UGP2: variants seen among roughly 807,000 people sequenced by gnomAD.
UGP2 encodes the protein UDP-glucose pyrophosphorylase 2.
In UGP2, 40 loss-of-function variants were observed where a neutral mutation model predicts 49.0. The observed-to-expected ratio is 0.82, with a 90% confidence interval of 0.63 to 1.06. The LOEUF (loss-of-function observed/expected upper bound fraction) is 1.06. UGP2 is among the 50% of genes least tolerant of loss of function. The probability of loss-of-function intolerance (pLI) is 0.00; values close to 1 mark genes in which losing one functional copy is unlikely to be tolerated. For synonymous variants in UGP2, 225 were observed against 213.0 expected (o/e 1.06, Z -0.49); for missense variants, 460 against 603.5 (o/e 0.76, Z 2.49).
intron 1 of UGP2, among the ~76,000 whole-genome samples, chr2:63,845,849 GCTGGGTAT>G (rs1671892783): frequency 6.6e-6 from 1 of 152,156 alleles, no homozygotes; most frequent in Non-Finnish European, 1.5e-5. Flanking sequence ...TTAGAGGAAA[GCTGGGTAT>G]CTCCATCCTC....
intron 3 of UGP2, among the ~76,000 whole-genome samples, chr2:63,879,555 G>T (rs1029337848): frequency 6.6e-6 from 1 of 152,052 alleles, no homozygotes; most frequent in Non-Finnish European, 1.5e-5. Flanking sequence ...TTTATAGTAC[G>T]ATTCAATTTA....
At chr2:63,877,197 G>GT (rs35266126) in intron 3 of UGP2, among the ~76,000 whole-genome samples, 4,834 of 152,346 alleles carry the variant, frequency 0.032, 258 homozygotes, top group African/African-American at 0.11. Flanking sequence ...ATCTATAACA[G>GT]TAAATGGACT....
chr2:63,857,800 G>T (rs1313335278), intron 2 of UGP2, 29 bp from the exon 3 acceptor site: 3 of 1,579,016 alleles, frequency 1.9e-6, no homozygotes, highest in Non-Finnish European at 2.6e-6. Flanking sequence ...GCATTCTGCT[G>T]GTTGTAACAA....
chr2:63,849,610 G>C (rs1243825613), intron 1 of UGP2, among the ~76,000 whole-genome samples: 1 of 152,182 alleles, frequency 6.6e-6, no homozygotes, highest in Non-Finnish European at 1.5e-5. Context: ...TATTCTAATT[G>C]TAGTTTTAAC....
At chr2:63,857,188 C>G (rs1669500144) in intron 2 of UGP2, among the ~76,000 whole-genome samples, 1 of 151,652 alleles carries the variant, frequency 6.6e-6, no homozygotes, top group South Asian at 2.1e-4. Flanking sequence ...GTGGTCCCAG[C>G]TACTGGGGAG....
intron 3 of UGP2, among the ~76,000 whole-genome samples, chr2:63,872,215 C>A (rs952190745): frequency 6.6e-6 from 1 of 152,144 alleles, no homozygotes; most frequent in African/African-American, 2.4e-5. Context: ...CCTAGAAATT[C>A]AATACTATAT....
intron 1 of UGP2, among the ~76,000 whole-genome samples, chr2:63,847,747 C>T (rs1668747113): frequency 6.6e-6 from 1 of 152,136 alleles, no homozygotes; most frequent in Admixed American, 6.5e-5. Context: ...TCAGTTAAGG[C>T]AAGGACCGGC....
chr2:63,885,523 T>C (rs1427494125), intron 5 of UGP2, 66 bp from the exon 6 acceptor site: 1 of 1,261,706 alleles, frequency 7.9e-7, no homozygotes, highest in Admixed American at 2.7e-5. Context: ...TAATGTATTA[T>C]TTTATTTAAA....
At chr2:63,866,919 G>C (rs1229260902) in intron 3 of UGP2, among the ~76,000 whole-genome samples, 1 of 152,138 alleles carries the variant, frequency 6.6e-6, no homozygotes, top group African/African-American at 2.4e-5. Flanking sequence ...AATTACATAG[G>C]AAATACAGAT....
At chr2:63,874,268 A>AT (rs956524422) in intron 3 of UGP2, among the ~76,000 whole-genome samples, 2 of 152,218 alleles carry the variant, frequency 1.3e-5, no homozygotes, top group African/African-American at 4.8e-5. Flanking sequence ...GGAGGGAAAC[A>AT]TGCTCAAATT....
chr2:63,871,838 A>G lies in UGP2; in HGVS notation c.256-10628A>G, dbSNP rs528154587. On this transcript the variant is annotated intron_variant, in intron 3 of 9. Coordinates refer to ENST00000337130, the MANE Select transcript of UGP2 (RefSeq NM_006759.4). ...GGCAGTATGGAGCTATTTTAGGAGA[A>G]GAAGCATGGTTTGAAAAGGGAGAAA... is the stretch of plus-strand genomic sequence containing the variant. Among the ~76,000 whole-genome samples, 7 of 152,338 alleles carry G rather than the reference A, an allele frequency of 4.6e-5. No homozygotes were observed. The South Asian group carries it at 1.2e-3, about 27-fold the overall frequency.
intron 5 of UGP2, among the ~76,000 whole-genome samples, chr2:63,885,072 G>A (rs1267303161): frequency 7.6e-6 from 1 of 132,442 alleles, no homozygotes; most frequent in Non-Finnish European, 1.5e-5. Flanking sequence ...CTGTTGCGGT[G>A]CTAGCTCCCG....
intron 3 of UGP2, among the ~76,000 whole-genome samples, chr2:63,879,001 GA>G (rs1558956463): frequency 7.2e-6 from 1 of 139,144 alleles, no homozygotes. Context: ...ATTTTCACTG[GA>G]GGTAAAAAAA....
intron 1 of UGP2, among the ~76,000 whole-genome samples, chr2:63,845,133 G>A (rs972269090): frequency 6.6e-6 from 1 of 152,150 alleles, no homozygotes; most frequent in Admixed American, 6.6e-5. Flanking sequence ...TTTGGTTGTA[G>A]TTTTTATAAC....
chr2:63,851,005 T>A (rs1474536208), intron 1 of UGP2, among the ~76,000 whole-genome samples: 1 of 152,240 alleles, frequency 6.6e-6, no homozygotes, highest in Non-Finnish European at 1.5e-5. Flanking sequence ...GAATTTACAG[T>A]CTGTTGGATA....
intron 3 of UGP2, among the ~76,000 whole-genome samples, chr2:63,878,783 C>G (rs1671100502): frequency 6.6e-6 from 1 of 152,138 alleles, no homozygotes; most frequent in Non-Finnish European, 1.5e-5. Context: ...CCAAGCTGTT[C>G]TCAAACTCCT....
At chr2:63,863,770 T>C (rs1055514968) in intron 3 of UGP2, among the ~76,000 whole-genome samples, 2 of 152,190 alleles carry the variant, frequency 1.3e-5, no homozygotes, top group African/African-American at 2.4e-5. Flanking sequence ...CTAAGAGTAC[T>C]GATGGAATTT....
chr2:63,848,961 T>C (rs1381121211), intron 1 of UGP2, among the ~76,000 whole-genome samples: 3 of 152,218 alleles, frequency 2.0e-5, no homozygotes, highest in African/African-American at 4.8e-5. Context: ...ATGAAATCGA[T>C]TGTGCCCCCA....
At chr2:63,873,012 A>G (rs1670662661) in intron 3 of UGP2, among the ~76,000 whole-genome samples, 1 of 152,204 alleles carries the variant, frequency 6.6e-6, no homozygotes, top group African/African-American at 2.4e-5. Context: ...CCTTACATCC[A>G]GGATGGTGCA....
Sources: gnomAD v4.1 joint callset for allele counts (sites outside exome capture counted in the v4.1 genomes callset) on GRCh38, gnomAD v4.1.1 for gene constraint, MANE v1.5 for transcripts, NCBI Gene and HGNC (gene_info 2026-07-23, HGNC 2026-07-21) for gene names.